Variants in CCDC7 observed in about 807,000 individuals in gnomAD.
CCDC7 encodes coiled-coil domain containing 7.
A neutral mutation model predicts 196.9 loss-of-function variants in CCDC7; 183 were observed. The observed-to-expected ratio is 0.93, with a 90% confidence interval of 0.82 to 1.05. The LOEUF (loss-of-function observed/expected upper bound fraction) is 1.05. CCDC7 is among the 50% of genes least tolerant of loss of function. The pLI is 0.00. For synonymous variants in CCDC7, 525 were observed against 484.6 expected (o/e 1.08, Z -1.10); for missense variants, 1,540 against 1,482.2 (o/e 1.04, Z -0.64).
At chr10:32,824,679 C>G (rs935411814) in intron 32 of CCDC7, 75 bp downstream of exon 33, 4 of 905,374 alleles carry the variant, frequency 4.4e-6, no homozygotes, top group Non-Finnish European at 7.0e-6. Flanking sequence ...TCTCTAATGA[C>G]AACAGTACCT....
At chr10:32,448,548 T>G (rs964496712), upstream of CCDC7, among the ~76,000 whole-genome samples, 3 of 152,110 alleles carry the variant, frequency 2.0e-5, no homozygotes, top group Non-Finnish European at 2.9e-5. Context: ...CTGTAAGTTT[T>G]ATTATTTGTT....
intron 21 of CCDC7, among the ~76,000 whole-genome samples, chr10:32,683,790 G>A (rs986004919): frequency 1.3e-5 from 2 of 152,196 alleles, no homozygotes; most frequent in South Asian, 2.1e-4. Context: ...TGCCACAGAC[G>A]GAAGTGATCA....
At chr10:32,662,737 T>G (rs2140427511) in intron 20 of CCDC7, among the ~76,000 whole-genome samples, 1 of 152,266 alleles carries the variant, frequency 6.6e-6, no homozygotes, top group East Asian at 1.9e-4. Flanking sequence ...GGCATGGAAA[T>G]TTTTCAGTTA....
intron 24 of CCDC7, among the ~76,000 whole-genome samples, chr10:32,700,280 C>T (rs1193516169): frequency 2.7e-5 from 4 of 149,422 alleles, no homozygotes; most frequent in Admixed American, 1.3e-4. Flanking sequence ...TATGGCTAGC[C>T]AGTTTTCCTA....
intron 9 of CCDC7, among the ~76,000 whole-genome samples, chr10:32,497,056 C>T (rs899133515): frequency 1.3e-5 from 2 of 152,160 alleles, no homozygotes; most frequent in Non-Finnish European, 1.5e-5. Flanking sequence ...TTAATTACTG[C>T]CTCCATTTCA....
intron 16 of CCDC7, 54 bp from the exon 18 acceptor site, chr10:32,582,980 G>A (rs960081245): frequency 9.4e-7 from 1 of 1,059,570 alleles, no homozygotes; most frequent in Admixed American, 4.3e-5. Flanking sequence ...TTCTTCAGTT[G>A]CAAATAAAAT....
chr10:32,796,450 T>C (rs1468088471), intron 29 of CCDC7, among the ~76,000 whole-genome samples: 1 of 152,240 alleles, frequency 6.6e-6, no homozygotes, highest in East Asian at 1.9e-4. Context: ...GCTGCAACTA[T>C]GTGCAAAGGA....
Position 32,804,931 on chromosome 10 carries a change from AC to A in CCDC7, c.3014-83del, listed in dbSNP as rs2085512392. 1.8e-4 allele frequency: 5 copies of A among 27,146 alleles called. No homozygotes were observed. The South Asian group carries it at 4.6e-3, about 25-fold the overall frequency. The allele number at this position is 27,146 out of a possible 1,614,324, so 1.7% of individuals were successfully genotyped here. A position where few individuals can be genotyped will look rare whatever the true frequency, so the allele number is the denominator to read the frequency against. On this transcript the variant is annotated intron_variant, in intron 29 of 41. Coordinates refer to ENST00000639629, the Ensembl canonical transcript of CCDC7. ...AATAACAAAGGCTGATTAATTTAAT[AC>A]ACACACACACACACACACACCCCTC... is the stretch of plus-strand genomic sequence containing the variant.
intron 8 of CCDC7, among the ~76,000 whole-genome samples, chr10:32,484,911 T>G (rs2040715200): frequency 6.6e-6 from 1 of 152,248 alleles, no homozygotes; most frequent in South Asian, 2.1e-4. Flanking sequence ...AGTATTTTAC[T>G]GAGGATTTTT....
chr10:32,616,129 C>T (rs1401026336), intron 18 of CCDC7, among the ~76,000 whole-genome samples: 1 of 151,910 alleles, frequency 6.6e-6, no homozygotes, highest in African/African-American at 2.4e-5. Flanking sequence ...CTTAAGATTG[C>T]TTTGGCTATT....
chr10:32,613,127 G>GT (rs139910630), intron 18 of CCDC7, among the ~76,000 whole-genome samples: 21,003 of 151,828 alleles, frequency 0.14, 1,755 homozygotes, highest in East Asian at 0.25. Context: ...CAGGGATTCT[G>GT]TTTTTTCCTG....
At chr10:32,649,408 C>T (rs370652283) in intron 20 of CCDC7, among the ~76,000 whole-genome samples, 11 of 152,294 alleles carry the variant, frequency 7.2e-5, no homozygotes, top group African/African-American at 2.4e-4. Context: ...GATGGAATTC[C>T]TTCTCTAGGT....
chr10:32,457,044 T>C (rs2034511355), intron 3 of CCDC7, among the ~76,000 whole-genome samples: 1 of 151,614 alleles, frequency 6.6e-6, no homozygotes, highest in South Asian at 2.1e-4. Flanking sequence ...TAATAAACCG[T>C]TGTTAGCTGT....
intron 11 of CCDC7, among the ~76,000 whole-genome samples, chr10:32,539,566 G>T (rs2051068341): frequency 6.6e-6 from 1 of 151,742 alleles, no homozygotes; most frequent in East Asian, 1.9e-4. Flanking sequence ...TGCTTGCCTT[G>T]AGGTTGGTTT....
intron 31 of CCDC7, among the ~76,000 whole-genome samples, chr10:32,823,108 G>A (rs1377662537): frequency 6.7e-6 from 1 of 150,204 alleles, no homozygotes; most frequent in African/African-American, 2.4e-5. Flanking sequence ...ACAAAATGTT[G>A]TTATTGAATT....
chr10:32,495,902 AAGT>A (rs1416100121), intron 9 of CCDC7, among the ~76,000 whole-genome samples: 5 of 152,156 alleles, frequency 3.3e-5, no homozygotes, highest in African/African-American at 1.2e-4. Context: ...TATGAATTTA[AAGT>A]AGTTTTTTTT....
intron 28 of CCDC7, among the ~76,000 whole-genome samples, chr10:32,777,110 A>C (rs2080187678): frequency 6.6e-6 from 1 of 152,188 alleles, no homozygotes; most frequent in Non-Finnish European, 1.5e-5. Flanking sequence ...TATCTCCCAC[A>C]TATAAGGGAA....
At chr10:32,833,359 A>ATTTTTT (rs776856065) in intron 32 of CCDC7, among the ~76,000 whole-genome samples, 6 of 91,626 alleles carry the variant, frequency 6.5e-5, no homozygotes, top group Admixed American at 2.1e-4. Context: ...TTTTTAAAAA[A>ATTTTTT]AAAAAAAAGA....
At chr10:32,663,790 C>A (rs1016728519) in intron 20 of CCDC7, among the ~76,000 whole-genome samples, 3 of 151,344 alleles carry the variant, frequency 2.0e-5, no homozygotes, top group Admixed American at 1.3e-4. Flanking sequence ...ATATATTAAT[C>A]TAAATTATAA....
Sources: gnomAD v4.1 joint callset for allele counts (sites outside exome capture counted in the v4.1 genomes callset) on GRCh38, gnomAD v4.1.1 for gene constraint, MANE v1.5 for transcripts, NCBI Gene and HGNC (gene_info 2026-07-23, HGNC 2026-07-21) for gene names.